ROCK2: variants seen among roughly 807,000 people sequenced by gnomAD.
The protein encoded by ROCK2 is Rho associated coiled-coil containing protein kinase 2.
ROCK2 carries 61 observed loss-of-function variants against 195.1 expected under a neutral mutation model. The observed-to-expected ratio is 0.31, with a 90% confidence interval of 0.25 to 0.39. ROCK2 has a LOEUF of 0.39. ROCK2 is among the 10% of genes least tolerant of loss of function. The pLI is 1.00. For missense variants in ROCK2, 1,109 were observed against 1,637.4 expected (o/e 0.68, Z 5.57); for synonymous variants, 504 against 545.5 (o/e 0.92, Z 1.06).
intron 20 of ROCK2, among the ~76,000 whole-genome samples, chr2:11,207,326 A>G (rs1024987768): frequency 6.6e-5 from 10 of 152,222 alleles, no homozygotes; most frequent in Non-Finnish European, 1.5e-4. Context: ...AGTACATCCT[A>G]TGACATGATT....
chr2:11,292,266 T>C lies in ROCK2; in HGVS notation c.142-4530A>G, dbSNP rs955909521. On this transcript the variant is annotated intron_variant, in intron 1 of 32. Coordinates refer to ENST00000315872, the MANE Select transcript of ROCK2 (RefSeq NM_004850.5). ...CCTACCAAAAACTTTAACTACATTA[T>C]ACAGGTTAATACAGCATATATTATT... is the stretch of plus-strand genomic sequence containing the variant. Among the ~76,000 whole-genome samples, 3 of 152,204 alleles carry C rather than the reference T, an allele frequency of 2.0e-5. 1 individual carries two copies. The highest frequency in any genetic ancestry group is 1.9e-4 in the East Asian group (1 of 5,202).
chr2:11,220,222 C>T (rs1291257197), intron 9 of ROCK2, among the ~76,000 whole-genome samples: 3 of 152,032 alleles, frequency 2.0e-5, no homozygotes, highest in Non-Finnish European at 1.5e-5. Context: ...TTCTCTATGT[C>T]GGTCAGGCTG....
chr2:11,332,582 A>T (rs1193345141), intron 1 of ROCK2, among the ~76,000 whole-genome samples: 1 of 152,232 alleles, frequency 6.6e-6, no homozygotes, highest in South Asian at 2.1e-4. Context: ...AATTACAATG[A>T]CACACACTAC....
intron 1 of ROCK2, among the ~76,000 whole-genome samples, chr2:11,320,408 T>C (rs920778387): frequency 6.6e-6 from 1 of 152,200 alleles, no homozygotes; most frequent in Non-Finnish European, 1.5e-5. Context: ...ATCAGCTGGA[T>C]TGGATCTCAC....
Position 11,221,206 on chromosome 2 carries a change from T to G in ROCK2, c.1251A>C (p.Arg417Ser). Residue 417 changes from arginine (R) to serine (S), a missense_variant, in exon 9 of 33, where the codon AGA becomes AGC. By Grantham distance (110) the Arg-to-Ser change is moderately radical. Coordinates refer to ENST00000315872, the MANE Select transcript of ROCK2 (RefSeq NM_004850.5). ...AATAATAAACCACATACAAATTTTC[T>G]CTATAGTAGGTAAATCCGATGAAAG... ...QLPFIGFTYY[R>S]ENLLLSDSPS... 1 of 1,557,148 alleles carries G rather than the reference T, an allele frequency of 6.4e-7. No homozygotes were observed. Among genetic ancestry groups the G allele is most frequent in the Non-Finnish European group, 8.6e-7 (1 of 1,159,752 alleles).
chr2:11,265,874 T>C (rs767626353), intron 3 of ROCK2, among the ~76,000 whole-genome samples: 2 of 151,772 alleles, frequency 1.3e-5, no homozygotes, highest in Non-Finnish European at 2.9e-5. Context: ...GCAGGAGGAC[T>C]GCTTGAGGCC....
At chr2:11,283,334 G>A (rs1378869529) in intron 3 of ROCK2, among the ~76,000 whole-genome samples, 1 of 150,832 alleles carries the variant, frequency 6.6e-6, no homozygotes, top group Non-Finnish European at 1.5e-5. Context: ...GCCGAGGCGG[G>A]TGGATCATGA....
chr2:11,328,294 T>C (rs1668608149), intron 1 of ROCK2, among the ~76,000 whole-genome samples: 1 of 151,936 alleles, frequency 6.6e-6, no homozygotes, highest in South Asian at 2.1e-4. Flanking sequence ...TGCCAAATAA[T>C]ATGCTACATT....
At chr2:11,337,584 T>C (rs1442390927) in intron 1 of ROCK2, among the ~76,000 whole-genome samples, 1 of 151,938 alleles carries the variant, frequency 6.6e-6, no homozygotes, top group African/African-American at 2.4e-5. Flanking sequence ...TCATATACTG[T>C]TGGTGGGAGT....
chr2:11,343,451 T>C (rs1316143577), intron 1 of ROCK2, among the ~76,000 whole-genome samples: 3 of 152,172 alleles, frequency 2.0e-5, no homozygotes, highest in Non-Finnish European at 4.4e-5. Context: ...GCAATTAAAA[T>C]GCACTAAATA....
intron 3 of ROCK2, among the ~76,000 whole-genome samples, chr2:11,267,896 C>A (rs1666475644): frequency 6.6e-6 from 1 of 151,860 alleles, no homozygotes; most frequent in South Asian, 2.1e-4. Context: ...ATCTGCCCGC[C>A]TCAGCCTCCC....
intron 1 of ROCK2, among the ~76,000 whole-genome samples, chr2:11,305,086 A>C (rs1179579713): frequency 6.6e-6 from 1 of 152,194 alleles, no homozygotes; most frequent in Non-Finnish European, 1.5e-5. Context: ...TATATAAAAG[A>C]TACAGGGGGC....
At chr2:11,341,888 A>G (rs1288753864) in intron 1 of ROCK2, among the ~76,000 whole-genome samples, 1 of 152,096 alleles carries the variant, frequency 6.6e-6, no homozygotes. Context: ...GTTTGGAAAA[A>G]TGAAAAGATT....
At chr2:11,299,663 C>T (rs1278043711) in intron 1 of ROCK2, among the ~76,000 whole-genome samples, 2 of 152,152 alleles carry the variant, frequency 1.3e-5, no homozygotes, top group Non-Finnish European at 2.9e-5. Flanking sequence ...CTAAGAACCA[C>T]GAAAGAACAC....
intron 1 of ROCK2, among the ~76,000 whole-genome samples, chr2:11,291,851 A>T (rs955493686): frequency 1.3e-5 from 2 of 152,244 alleles, no homozygotes; most frequent in African/African-American, 4.8e-5. Context: ...CCTGGGATGC[A>T]TCAATATTAA....
chr2:11,211,881 C>T, intron 17 of ROCK2, 41 bp from the exon 18 acceptor site: 1 of 1,439,264 alleles, frequency 6.9e-7, no homozygotes, highest in Non-Finnish European at 9.4e-7. Context: ...AAAAAAGAGA[C>T]TAGCTCACAA....
chr2:11,211,325 T>G (rs1381894602), intron 18 of ROCK2, among the ~76,000 whole-genome samples: 1 of 152,150 alleles, frequency 6.6e-6, no homozygotes, highest in African/African-American at 2.4e-5. Flanking sequence ...GTATCAATAG[T>G]AACAGGTATA....
At chr2:11,207,469 C>T (rs1375012744) in intron 20 of ROCK2, among the ~76,000 whole-genome samples, 2 of 152,088 alleles carry the variant, frequency 1.3e-5, no homozygotes, top group African/African-American at 4.8e-5. Context: ...TATGAAAATC[C>T]CAGATATTTT....
intron 3 of ROCK2, among the ~76,000 whole-genome samples, chr2:11,277,719 C>T (rs1193883265): frequency 6.6e-6 from 1 of 152,142 alleles, no homozygotes; most frequent in Non-Finnish European, 1.5e-5. Flanking sequence ...ATTTCTTTAT[C>T]CACTCGTTGA....
Sources: allele counts gnomAD v4.1 joint callset (sites outside exome capture counted in the v4.1 genomes callset), GRCh38; gene constraint gnomAD v4.1.1; transcripts MANE v1.5; gene names NCBI Gene and HGNC (gene_info 2026-07-23, HGNC 2026-07-21).